CSMD1: variants seen among roughly 807,000 people sequenced by gnomAD.
CSMD1 encodes the protein CUB and sushi domain-containing protein 1.
CSMD1 carries 213 observed loss-of-function variants against 417.5 expected under a neutral mutation model. The ratio of observed to expected loss-of-function variants is 0.51; its 90% CI spans 0.46 to 0.57. The LOEUF is 0.57. CSMD1 is among the 20% of genes least tolerant of loss of function. The probability of loss-of-function intolerance (pLI) is 0.00; values close to 1 mark genes in which losing one functional copy is unlikely to be tolerated. For missense variants in CSMD1, 6,923 were observed against 4,529.7 expected, an observed-to-expected ratio of 1.53 and a Z score of -15.17; for synonymous variants, 2,862 against 1,736.8, an observed-to-expected ratio of 1.65 and a Z score of -16.11.
At chr8:3,948,221 T>C (rs1442178778) in intron 5 of CSMD1, among the ~76,000 whole-genome samples, 3 of 151,950 alleles carry the variant, frequency 2.0e-5, no homozygotes, top group Non-Finnish European at 4.4e-5. Flanking sequence ...ACAATAATAA[T>C]AATAATAACA....
chr8:4,360,321 G>A (rs150657848), intron 3 of CSMD1, among the ~76,000 whole-genome samples: 119 of 152,286 alleles, frequency 7.8e-4, no homozygotes, highest in Non-Finnish European at 5.9e-5. Context: ...TCCATGGGAA[G>A]TGCAAATCCT....
intron 54 of CSMD1, among the ~76,000 whole-genome samples, chr8:2,988,200 G>A (rs544494707): frequency 2.0e-5 from 3 of 152,016 alleles, no homozygotes; most frequent in African/African-American, 7.2e-5. Flanking sequence ...CTTTAGTGAA[G>A]TTTTTGTGGT....
intron 10 of CSMD1, among the ~76,000 whole-genome samples, chr8:3,508,815 G>T (rs996786972): frequency 6.6e-6 from 1 of 152,130 alleles, no homozygotes; most frequent in African/African-American, 2.4e-5. Flanking sequence ...TTCCCATTAT[G>T]GAAAGAGACA....
At chr8:3,797,367 C>A (rs1047824492) in intron 5 of CSMD1, among the ~76,000 whole-genome samples, 6 of 151,898 alleles carry the variant, frequency 4.0e-5, no homozygotes, top group Non-Finnish European at 8.8e-5. Flanking sequence ...GAGCCCACAC[C>A]CCGGATGCAG....
At chr8:3,129,307 A>G (rs1000505972) in intron 41 of CSMD1, among the ~76,000 whole-genome samples, 8 of 152,224 alleles carry the variant, frequency 5.3e-5, no homozygotes, top group African/African-American at 1.9e-4. Context: ...GAGTCAACCA[A>G]AGCAATTGTC....
chr8:4,397,764 G>A (rs1470784699), intron 3 of CSMD1, among the ~76,000 whole-genome samples: 2 of 151,826 alleles, frequency 1.3e-5, no homozygotes, highest in Non-Finnish European at 2.9e-5. Context: ...GACATGAAGG[G>A]AAAAACCTTA....
intron 12 of CSMD1, among the ~76,000 whole-genome samples, chr8:3,460,440 C>G (rs1431168833): frequency 6.6e-6 from 1 of 152,104 alleles, no homozygotes; most frequent in East Asian, 1.9e-4. Flanking sequence ...CAATTTGAAA[C>G]AGTGTAGGAA....
intron 26 of CSMD1, among the ~76,000 whole-genome samples, chr8:3,235,214 A>G (rs949476072): frequency 1.3e-5 from 2 of 152,216 alleles, no homozygotes; most frequent in African/African-American, 2.4e-5. Context: ...ATTTAAAAAC[A>G]AAAGTTTAGG....
chr8:2,948,269 C>G (rs1052853887), intron 68 of CSMD1, among the ~76,000 whole-genome samples: 9 of 151,952 alleles, frequency 5.9e-5, no homozygotes, highest in African/African-American at 2.2e-4. Flanking sequence ...AATCTCGTAA[C>G]AACCTTGGGA....
intron 7 of CSMD1, among the ~76,000 whole-genome samples, chr8:3,689,060 T>C (rs1800095334): frequency 6.6e-6 from 1 of 152,202 alleles, no homozygotes; most frequent in African/African-American, 2.4e-5. Flanking sequence ...TAAGTAAACA[T>C]GTGACTGATA....
chr8:4,246,853 A>C (rs1255037714), intron 3 of CSMD1, among the ~76,000 whole-genome samples: 1 of 152,190 alleles, frequency 6.6e-6, no homozygotes, highest in Non-Finnish European at 1.5e-5. Context: ...AGAGCTGAAC[A>C]CTCAAATAAT....
intron 10 of CSMD1, among the ~76,000 whole-genome samples, chr8:3,553,122 G>GA (rs111389411): frequency 0.36 from 53,364 of 146,526 alleles, 10,120 homozygotes; most frequent in Non-Finnish European, 0.44. Context: ...TGTGGACAAG[G>GA]AGAAAAAAAA....
intron 1 of CSMD1, among the ~76,000 whole-genome samples, chr8:4,687,244 C>T (rs373425902): frequency 2.4e-4 from 36 of 152,140 alleles, no homozygotes; most frequent in Admixed American, 9.2e-4. Context: ...CTGGTAGCCA[C>T]AGGATGCTGG....
At chr8:3,131,021 G>C (rs536793150) in intron 41 of CSMD1, among the ~76,000 whole-genome samples, 1 of 152,086 alleles carries the variant, frequency 6.6e-6, no homozygotes, top group Non-Finnish European at 1.5e-5. Flanking sequence ...GTCCTCCAGC[G>C]TTCATAACTG....
chr8:4,121,906 T>C (rs570230174), intron 3 of CSMD1, among the ~76,000 whole-genome samples: 1 of 152,202 alleles, frequency 6.6e-6, no homozygotes, highest in Admixed American at 6.5e-5. Context: ...TACCAACTCA[T>C]GAATCACACA....
chr8:4,871,935 A>G (rs950976579), intron 1 of CSMD1, among the ~76,000 whole-genome samples: 2 of 151,944 alleles, frequency 1.3e-5, no homozygotes, highest in Non-Finnish European at 2.9e-5. Flanking sequence ...TCATTTACCC[A>G]CTATCTCTAT....
In CSMD1 at chr8:4,146,078, C is replaced by T. The variant is rs150916413; in HGVS notation, c.416-113979G>A. 2.2e-4 allele frequency among the ~76,000 whole-genome samples: 33 copies of T among 150,980 alleles called. 1 individual carries two copies. In the East Asian group the frequency reaches 6.2e-3, roughly 28 times the overall value. ...TGCAGACACTTGAGGGAGGCAATTG[C>T]ATGTATCTGCCTCCCACACACCAAC... is the stretch of plus-strand genomic sequence containing the variant. On this transcript the variant is annotated intron_variant, in intron 3 of 69. Transcript: ENST00000635120.
intron 1 of CSMD1, among the ~76,000 whole-genome samples, chr8:4,794,395 A>C (rs1242092007): frequency 1.3e-5 from 2 of 152,204 alleles, no homozygotes; most frequent in Non-Finnish European, 2.9e-5. Context: ...TTAGAAAATC[A>C]AGACACTATT....
At chr8:3,885,593 C>G (rs1585139759) in intron 5 of CSMD1, among the ~76,000 whole-genome samples, 1 of 152,158 alleles carries the variant, frequency 6.6e-6, no homozygotes, top group South Asian at 2.1e-4. Context: ...CATCCAACAT[C>G]AGAATCGGCT....
Sources: gnomAD v4.1 joint callset for allele counts (sites outside exome capture counted in the v4.1 genomes callset) on GRCh38, gnomAD v4.1.1 for gene constraint, MANE v1.5 for transcripts, NCBI Gene and HGNC (gene_info 2026-07-23, HGNC 2026-07-21) for gene names.